The following ENTPD1 variants were observed in gnomAD, a reference collection of about 807,000 sequenced individuals.
ENTPD1 encodes the protein ectonucleoside triphosphate diphosphohydrolase 1.
In ENTPD1, 33 loss-of-function variants were observed where a neutral mutation model predicts 57.0. The observed-to-expected ratio is 0.58, with a 90% CI of 0.44 to 0.77. The LOEUF (loss-of-function observed/expected upper bound fraction) is 0.77, where lower values mean the gene tolerates loss of function less well. Among genes scored for constraint, ENTPD1 ranks in the 30% least tolerant of loss-of-function variants. The probability of loss-of-function intolerance (pLI) is 0.00; values close to 1 mark genes in which losing one functional copy is unlikely to be tolerated. For missense variants in ENTPD1, 501 were observed against 603.4 expected (o/e 0.83, Z 1.78); for synonymous variants, 202 against 218.8 (o/e 0.92, Z 0.68).
chr10:95,786,283 A>C (rs1411002075), intron 1 of ENTPD1, among the ~76,000 whole-genome samples: 1 of 152,080 alleles, frequency 6.6e-6, no homozygotes, highest in African/African-American at 2.4e-5. Flanking sequence ...GCTTCCTTTG[A>C]CTTTAAGGCC....
At chr10:95,748,922 T>C (rs1252458801) in intron 1 of ENTPD1, among the ~76,000 whole-genome samples, 3 of 152,198 alleles carry the variant, frequency 2.0e-5, no homozygotes, top group Non-Finnish European at 4.4e-5. Flanking sequence ...TTTTAACGTG[T>C]TTATCCGTGC....
chr10:95,710,206 A>G (rs1365864211), upstream of ENTPD1, among the ~76,000 whole-genome samples: 1 of 151,968 alleles, frequency 6.6e-6, no homozygotes, highest in African/African-American at 2.4e-5. Flanking sequence ...GGAGTTCCAG[A>G]CTAGCTTGGC....
upstream of ENTPD1, among the ~76,000 whole-genome samples, chr10:95,708,681 G>T (rs2097963495): frequency 6.6e-6 from 1 of 152,212 alleles, no homozygotes; most frequent in Non-Finnish European, 1.5e-5. Context: ...GAATGAGGTA[G>T]TTCTTTATTT....
At position 95,867,509 on chromosome 10, in the gene ENTPD1, G is replaced by A. The variant is rs1254744672; in HGVS notation, c.*1126G>A. 4.1e-6 allele frequency: 4 copies of A among 985,440 alleles called. No individual in the cohort carries two copies. The highest frequency in any genetic ancestry group is 4.8e-6 in the Non-Finnish European group (4 of 829,932). 61.0% of individuals were successfully genotyped at this position (985,440 alleles called of 1,614,324 possible). A position where few individuals can be genotyped will look rare whatever the true frequency, so the allele number is the denominator to read the frequency against. ...TTAATTTAGTGAGAGGGCAGCATTA[G>A]TGTGGAGTGGCATGCTTTTGCCCTA... On this transcript the variant is annotated 3_prime_UTR_variant, in exon 10 of 10. Transcript: ENST00000371205.
At chr10:95,735,456 A>G (rs539693147) in intron 1 of ENTPD1, among the ~76,000 whole-genome samples, 17 of 152,366 alleles carry the variant, frequency 1.1e-4, no homozygotes, top group African/African-American at 3.8e-4. Flanking sequence ...CATAGAAGAT[A>G]TCATTTAATC....
the ENTPD1 span, among the ~76,000 whole-genome samples, chr10:95,705,830 C>T: frequency 6.6e-6 from 1 of 152,178 alleles, no homozygotes; most frequent in African/African-American, 2.4e-5. Context: ...TTGATTTGGC[C>T]AGGCATGGTG....
chr10:95,824,459 G>A (rs2098366413), intron 2 of ENTPD1, among the ~76,000 whole-genome samples: 1 of 152,224 alleles, frequency 6.6e-6, no homozygotes, highest in South Asian at 2.1e-4. Context: ...TCAACCCAGT[G>A]GTGCTGTGTA....
chr10:95,774,795 G>T (rs2098127629), intron 1 of ENTPD1, among the ~76,000 whole-genome samples: 1 of 152,172 alleles, frequency 6.6e-6, no homozygotes, highest in Non-Finnish European at 1.5e-5. Context: ...TTTTGCTTAG[G>T]ATTGTCTTGG....
chr10:95,749,010 G>A (rs2098008988), intron 1 of ENTPD1, among the ~76,000 whole-genome samples: 1 of 152,160 alleles, frequency 6.6e-6, no homozygotes, highest in Admixed American at 6.5e-5. Flanking sequence ...TGTGATGTGT[G>A]CTTCCATCAG....
chr10:95,799,064 A>G (rs1344312510), intron 1 of ENTPD1, among the ~76,000 whole-genome samples: 3 of 152,344 alleles, frequency 2.0e-5, no homozygotes, highest in Admixed American at 1.3e-4. Context: ...AATGAAAAGG[A>G]TAAGAATCAT....
intron 1 of ENTPD1, among the ~76,000 whole-genome samples, chr10:95,803,690 C>G (rs965727429): frequency 2.0e-5 from 3 of 152,068 alleles, no homozygotes; most frequent in Admixed American, 6.6e-5. Flanking sequence ...TTTTGCTGTG[C>G]AAACTTTTTA....
intron 1 of ENTPD1, among the ~76,000 whole-genome samples, chr10:95,750,438 G>A (rs11188467): frequency 0.073 from 11,142 of 151,996 alleles, 452 homozygotes; most frequent in African/African-American, 0.097. Context: ...TTTCTCTCTC[G>A]TGCTCCCTCT....
In ENTPD1 at chr10:95,791,729, G is replaced by A. The variant is rs375422564; in HGVS notation, c.17-31508G>A. Among the ~76,000 whole-genome samples, 8 of 152,108 alleles carry A rather than the reference G, an allele frequency of 5.3e-5. No homozygotes were observed. The highest frequency in any genetic ancestry group is 8.8e-5 in the Non-Finnish European group (6 of 68,032). On this transcript the variant is annotated intron_variant, in intron 1 of 9. Coordinates refer to ENST00000371205, the MANE Select transcript of ENTPD1 (RefSeq NM_001776.6). This position sits in a 1 kb window ranked among gnomAD's most constrained non-coding sequence, Gnocchi z 4.1. The stretch of plus-strand genomic sequence containing the variant: ...CTTTGGCTGTACATTAGAATCACCC[G>A]GCTGGGGGTAGAGGTGTTAAAAGTG...
rs185312550 is a variant in ENTPD1 at position 95,720,883 on chromosome 10, C to T, written c.37+8890C>T. ...TCTGTGTTCCAGAGCCTCCAAAGTC[C>T]GCTTGCCTGAGGGCCATGACTAAAG... On this transcript the variant is annotated intron_variant, in intron 1 of 9. Coordinates refer to the ENTPD1 transcript ENST00000453258. 2.1e-3 allele frequency among the ~76,000 whole-genome samples: 315 copies of T among 152,260 alleles called. 5 individuals are homozygous for T. Among genetic ancestry groups the T allele is most frequent in the African/African-American group, 6.5e-3 (271 of 41,538 alleles).
chr10:95,819,922 C>G (rs2098343152), intron 1 of ENTPD1, among the ~76,000 whole-genome samples: 1 of 152,192 alleles, frequency 6.6e-6, no homozygotes, highest in South Asian at 2.1e-4. Flanking sequence ...CTGTTATCCA[C>G]AAGGCAAATT....
chr10:95,837,513 C>T (rs1366781725), intron 2 of ENTPD1, among the ~76,000 whole-genome samples: 1 of 152,204 alleles, frequency 6.6e-6, no homozygotes, highest in African/African-American at 2.4e-5. Flanking sequence ...CAGCTTGCTT[C>T]CTTGCTGTGC....
rs1233289439 is a variant in ENTPD1, at chr10:95,791,844, A to G, written c.17-31393A>G. ...CCCCAGGGAACTCTGGAGTGTGTGA[A>G]CTCTAAGGATCCTTTCAACTTTGAG... On this transcript the variant is annotated intron_variant, in intron 1 of 9. Transcript: ENST00000371205. This position sits in a 1 kb window ranked among gnomAD's most constrained non-coding sequence, Gnocchi z 4.1. Among the ~76,000 whole-genome samples the G allele has an allele frequency of 6.6e-6, 1 of 152,068 alleles. No homozygotes were observed. Among genetic ancestry groups the G allele is most frequent in the East Asian group, 1.9e-4 (1 of 5,194 alleles).
intron 2 of ENTPD1, among the ~76,000 whole-genome samples, chr10:95,830,912 A>G (rs1261744368): frequency 6.6e-6 from 1 of 152,200 alleles, no homozygotes; most frequent in Non-Finnish European, 1.5e-5. Flanking sequence ...CATACAAGGA[A>G]GTGATGCCCA....
chr10:95,748,645 A>C (rs1193519797), intron 1 of ENTPD1, among the ~76,000 whole-genome samples: 1 of 152,226 alleles, frequency 6.6e-6, no homozygotes, highest in African/African-American at 2.4e-5. Context: ...AAAAGTTAAC[A>C]GTTCTATAAT....
Sources: allele counts gnomAD v4.1 joint callset (sites outside exome capture counted in the v4.1 genomes callset), GRCh38; gene constraint gnomAD v4.1.1; non-coding constraint Gnocchi (gnomAD v3.1); transcripts MANE v1.5; gene names NCBI Gene and HGNC (gene_info 2026-07-23, HGNC 2026-07-21).